Variants in NCAM2 observed in about 807,000 individuals in gnomAD.
NCAM2 encodes the protein N-CAM-2.
NCAM2 carries 30 observed loss-of-function variants against 98.1 expected under a neutral mutation model. That is an observed-to-expected ratio of 0.31 (90% CI 0.23 to 0.41). NCAM2 has a LOEUF of 0.41. NCAM2 is among the 10% of genes least tolerant of loss of function. The pLI is 1.00. For missense variants in NCAM2, 867 were observed against 1,005.8 expected (o/e 0.86, Z 1.87); for synonymous variants, 368 against 342.4 (o/e 1.07, Z -0.83).
chr21:21,491,766 A>G (rs1986865065), intron 15 of NCAM2, among the ~76,000 whole-genome samples: 1 of 151,534 alleles, frequency 6.6e-6, no homozygotes, highest in Admixed American at 6.6e-5. Context: ...ATTTTAATAT[A>G]TACATTATTA....
intron 15 of NCAM2, among the ~76,000 whole-genome samples, chr21:21,483,720 T>TA (rs1470684981): frequency 6.6e-6 from 1 of 152,148 alleles, no homozygotes; most frequent in Non-Finnish European, 1.5e-5. Flanking sequence ...TAAATATTGA[T>TA]ACTACACCTG....
intron 8 of NCAM2, among the ~76,000 whole-genome samples, chr21:21,355,988 G>C (rs765004262): frequency 1.3e-5 from 2 of 152,102 alleles, no homozygotes; most frequent in South Asian, 2.1e-4. Context: ...ATAAATTGTA[G>C]TTTTACCAAA....
chr21:21,136,780 C>A (rs1014232405), intron 1 of NCAM2, among the ~76,000 whole-genome samples: 1 of 151,920 alleles, frequency 6.6e-6, no homozygotes, highest in Non-Finnish European at 1.5e-5. Context: ...CTTTCTAATT[C>A]TCTTTCTACA....
chr21:21,073,345 A>G (rs962984280), intron 1 of NCAM2, among the ~76,000 whole-genome samples: 1 of 152,210 alleles, frequency 6.6e-6, no homozygotes, highest in Non-Finnish European at 1.5e-5. Flanking sequence ...TATAGTTTAT[A>G]GTATACTATT....
At chr21:21,469,949 A>C (rs1984220154) in intron 14 of NCAM2, among the ~76,000 whole-genome samples, 1 of 151,966 alleles carries the variant, frequency 6.6e-6, no homozygotes, top group African/African-American at 2.4e-5. Context: ...GAATTCATGA[A>C]TTGGACTGTT....
At chr21:21,387,452 C>T (rs890124360) in intron 9 of NCAM2, among the ~76,000 whole-genome samples, 1 of 151,814 alleles carries the variant, frequency 6.6e-6, no homozygotes, top group Non-Finnish European at 1.5e-5. Context: ...ACAGAATTTC[C>T]ACAGCGTGAG....
chr21:21,431,123 T>TTTTGTGTGTGTGTGTGTGTG (rs2077332597), intron 11 of NCAM2, among the ~76,000 whole-genome samples: 1 of 141,172 alleles, frequency 7.1e-6, no homozygotes, highest in Non-Finnish European at 1.5e-5. Flanking sequence ...TAATATATGT[T>TTTTGTGTGTGTGTGTGTGTG]TGTGTGTGTG....
chr21:21,350,507 A>T (rs577792567), intron 8 of NCAM2, among the ~76,000 whole-genome samples: 2 of 152,304 alleles, frequency 1.3e-5, no homozygotes, highest in African/African-American at 4.8e-5. Flanking sequence ...AATTTCTCAT[A>T]TTCTACTGGT....
chr21:21,405,069 C>T (rs1445118062), intron 9 of NCAM2, among the ~76,000 whole-genome samples: 1 of 151,758 alleles, frequency 6.6e-6, no homozygotes, highest in Non-Finnish European at 1.5e-5. Context: ...TTAGAATACA[C>T]TATTGAGGAA....
At chr21:21,047,777 TG>T (rs1413383335) in intron 1 of NCAM2, among the ~76,000 whole-genome samples, 1 of 152,202 alleles carries the variant, frequency 6.6e-6, no homozygotes, top group African/African-American at 2.4e-5. Flanking sequence ...TGTGGATTTT[TG>T]TTCTGTTTGC....
At chr21:21,495,146 C>T (rs1442823356) in intron 15 of NCAM2, among the ~76,000 whole-genome samples, 1 of 151,602 alleles carries the variant, frequency 6.6e-6, no homozygotes, top group Non-Finnish European at 1.5e-5. Flanking sequence ...ACTTAAAATT[C>T]CATTCCAAAT....
intron 16 of NCAM2, 40 bp downstream of exon 16, chr21:21,509,095 C>A (rs760789049): frequency 2.5e-6 from 4 of 1,602,256 alleles, no homozygotes; most frequent in Non-Finnish European, 3.4e-6. Flanking sequence ...ATTAAACAAG[C>A]GCCACAGTCA....
chr21:21,180,719 A>T (rs888568687), intron 1 of NCAM2, among the ~76,000 whole-genome samples: 1 of 152,170 alleles, frequency 6.6e-6, no homozygotes, highest in African/African-American at 2.4e-5. Context: ...CAAGAGGTTA[A>T]TGTATTTATT....
intron 14 of NCAM2, among the ~76,000 whole-genome samples, chr21:21,476,496 T>C (rs1447322211): frequency 6.6e-6 from 1 of 152,092 alleles, no homozygotes; most frequent in Non-Finnish European, 1.5e-5. Context: ...TTTCTGTGTT[T>C]AAATTTTTAA....
intron 5 of NCAM2, among the ~76,000 whole-genome samples, chr21:21,293,579 C>T (rs899397511): frequency 3.3e-5 from 5 of 151,700 alleles, no homozygotes; most frequent in African/African-American, 1.2e-4. Flanking sequence ...TTAAGGGTGC[C>T]ATAATCAGTG....
At chr21:21,032,417 T>C (rs1205744639) in intron 1 of NCAM2, among the ~76,000 whole-genome samples, 1 of 152,216 alleles carries the variant, frequency 6.6e-6, no homozygotes, top group Non-Finnish European at 1.5e-5. Context: ...CTATGATCTT[T>C]CTTCTAGAAA....
chr21:21,031,809 T>TAC (rs67929765), intron 1 of NCAM2, among the ~76,000 whole-genome samples: 1,915 of 151,258 alleles, frequency 0.013, 35 homozygotes, highest in African/African-American at 0.041. Flanking sequence ...CACACTCTTA[T>TAC]ACACACACAC....
At chr21:21,384,541 C>T (rs920614695) in intron 9 of NCAM2, among the ~76,000 whole-genome samples, 6 of 151,852 alleles carry the variant, frequency 4.0e-5, no homozygotes, top group Admixed American at 6.6e-5. Context: ...ATCTACCTCA[C>T]GTTTCCAAAC....
At chr21:21,425,404 C>T (rs937059506) in intron 11 of NCAM2, among the ~76,000 whole-genome samples, 1 of 152,018 alleles carries the variant, frequency 6.6e-6, no homozygotes, top group African/African-American at 2.4e-5. Context: ...TTGAATGGTT[C>T]ATTGTGTTAT....
Sources: gnomAD v4.1 joint callset for allele counts (sites outside exome capture counted in the v4.1 genomes callset) on GRCh38, gnomAD v4.1.1 for gene constraint, MANE v1.5 for transcripts, NCBI Gene and HGNC (gene_info 2026-07-23, HGNC 2026-07-21) for gene names.